USP34: variants seen among roughly 807,000 people sequenced by gnomAD.
USP34 encodes the protein ubiquitin specific peptidase 34.
In USP34, 70 loss-of-function variants were observed where a neutral mutation model predicts 460.3. The observed-to-expected ratio is 0.15, with a 90% CI of 0.13 to 0.19. The LOEUF is 0.19. Ranked by LOEUF, USP34 falls within the 10% of genes least tolerant of loss-of-function variation. The probability of loss-of-function intolerance (pLI) is 1.00; values close to 1 mark genes in which losing one functional copy is unlikely to be tolerated. For missense variants in USP34, 3,985 were observed against 4,236.2 expected (o/e 0.94, Z 1.65); for synonymous variants, 1,647 against 1,405.3 (o/e 1.17, Z -3.85).
chr2:61,460,798 C>G (rs532516245), intron 1 of USP34, among the ~76,000 whole-genome samples: 9 of 152,074 alleles, frequency 5.9e-5, no homozygotes, highest in African/African-American at 2.2e-4. Flanking sequence ...TCCTGGCCAA[C>G]ATGGAGAAAC....
intron 1 of USP34, among the ~76,000 whole-genome samples, chr2:61,431,387 T>G (rs1694671594): frequency 2.0e-5 from 3 of 152,156 alleles, no homozygotes; most frequent in Admixed American, 2.0e-4. Flanking sequence ...CACACTCAAC[T>G]AATTATTAAT....
intron 32 of USP34, among the ~76,000 whole-genome samples, chr2:61,294,446 C>CT (rs1233323362): frequency 4.0e-5 from 6 of 151,340 alleles, no homozygotes; most frequent in South Asian, 4.2e-4. Context: ...CTCACAGTAT[C>CT]TTTTTTTTGC....
intron 48 of USP34, among the ~76,000 whole-genome samples, chr2:61,253,282 GATTTATTCAATAC>G (rs1477812753): frequency 6.6e-6 from 1 of 152,206 alleles, no homozygotes; most frequent in African/African-American, 2.4e-5. Context: ...AAGAACGACA[GATTTATTCAATAC>G]ATTTATTCCA....
intron 48 of USP34, among the ~76,000 whole-genome samples, chr2:61,250,943 C>A (rs895310427): frequency 6.6e-6 from 1 of 152,084 alleles, no homozygotes; most frequent in African/African-American, 2.4e-5. Context: ...TCGAGACCAT[C>A]CTGGCTAACA....
At chr2:61,341,837 T>A (rs148622352) in intron 16 of USP34, among the ~76,000 whole-genome samples, 3 of 144,986 alleles carry the variant, frequency 2.1e-5, no homozygotes, top group East Asian at 2.1e-4. Flanking sequence ...CTTGGCTCAC[T>A]GCAACCTCCC....
chr2:61,261,513 G>T (rs1688878194), intron 43 of USP34, among the ~76,000 whole-genome samples: 1 of 152,110 alleles, frequency 6.6e-6, no homozygotes, highest in Non-Finnish European at 1.5e-5. Context: ...GAGGGAGAAT[G>T]GAGAGTTAAG....
chr2:61,339,550 C>T lies in USP34; in HGVS notation c.2616+16G>A. 1.3e-6 allele frequency: 2 copies of T among 1,567,120 alleles called. No homozygotes were observed. The highest frequency in any genetic ancestry group is 1.7e-6 in the Non-Finnish European group (2 of 1,162,810). On this transcript the variant is annotated intron_variant, in intron 17 of 79. Coordinates refer to ENST00000398571, the MANE Select transcript of USP34 (RefSeq NM_014709.4). ...GCTGAAATTTCTTACTCTTCTGGTT[C>T]TATTAAATAACTTACTGCATCTTCA...
At chr2:61,401,949 G>A (rs781293917) in intron 3 of USP34, among the ~76,000 whole-genome samples, 1 of 150,228 alleles carries the variant, frequency 6.7e-6, no homozygotes, top group Admixed American at 6.7e-5. Flanking sequence ...AATTATTCAG[G>A]ATAAAAAATG....
intron 53 of USP34, 31 bp downstream of exon 53, chr2:61,241,529 A>G: frequency 6.6e-7 from 1 of 1,517,256 alleles, no homozygotes; most frequent in South Asian, 1.2e-5. Flanking sequence ...ACATATTTTT[A>G]AAATGTTGCT....
At chr2:61,342,778 G>A (rs1025151487) in intron 16 of USP34, among the ~76,000 whole-genome samples, 3 of 152,070 alleles carry the variant, frequency 2.0e-5, no homozygotes, top group Non-Finnish European at 2.9e-5. Flanking sequence ...ATTTTATTCT[G>A]TCTACAATGG....
At chr2:61,416,078 G>A (rs1694184406) in intron 2 of USP34, among the ~76,000 whole-genome samples, 1 of 152,064 alleles carries the variant, frequency 6.6e-6, no homozygotes, top group Non-Finnish European at 1.5e-5. Context: ...AAGAATGAAA[G>A]GACTATTACT....
At chr2:61,302,193 A>C (rs1051056020) in intron 27 of USP34, among the ~76,000 whole-genome samples, 4 of 152,226 alleles carry the variant, frequency 2.6e-5, no homozygotes, top group Non-Finnish European at 5.9e-5. Flanking sequence ...TGAATAATTT[A>C]AACTTTAAAA....
chr2:61,445,526 C>T (rs1211752742), intron 1 of USP34, among the ~76,000 whole-genome samples: 2 of 115,844 alleles, frequency 1.7e-5, no homozygotes, highest in East Asian at 5.1e-4. Context: ...CAGATCGAGA[C>T]TCCGTCTCAA....
At chr2:61,304,921 T>C (rs192349877) in intron 27 of USP34, among the ~76,000 whole-genome samples, 168 of 152,288 alleles carry the variant, frequency 1.1e-3, no homozygotes, top group Non-Finnish European at 1.7e-3. Context: ...TTAAAAAAAA[T>C]AGCATTTCAA....
At position 61,370,560 on chromosome 2, in the gene USP34, C is replaced by T. The variant is rs1044360030; in HGVS notation, c.1096G>A (p.Ala366Thr). The change falls in exon 9 of 80, where the codon GCA (alanine) becomes ACA (threonine). Residue 366 changes from alanine (A) to threonine (T), a missense_variant. This residue lies in a region of USP34 where 716 missense variants were observed against 626.2 expected (regional missense o/e 1.14). Coordinates refer to ENST00000398571, the MANE Select transcript of USP34 (RefSeq NM_014709.4). ...DTETSIAKEL[A>T]DWLISNNVVE... ...ACATTGTTGCTAATAAGCCAGTCTG[C>T]AAGTTCTTTTGCAATGGACCTAAAG... 1.2e-6 allele frequency: 2 copies of T among 1,613,642 alleles called. No individual in the cohort carries two copies. The highest frequency in any genetic ancestry group is 1.7e-6 in the Non-Finnish European group (2 of 1,179,900).
intron 5 of USP34, among the ~76,000 whole-genome samples, chr2:61,385,410 G>A (rs914941308): frequency 2.6e-5 from 4 of 152,010 alleles, no homozygotes; most frequent in Admixed American, 6.6e-5. Context: ...GGCCAGGCGC[G>A]GTGGCTCACA....
At chr2:61,194,716 G>T (rs1178771082) in intron 75 of USP34, among the ~76,000 whole-genome samples, 1 of 152,232 alleles carries the variant, frequency 6.6e-6, no homozygotes. Context: ...AACACTTTGG[G>T]AGGCCAAGGT....
intron 1 of USP34, among the ~76,000 whole-genome samples, chr2:61,458,905 A>C (rs1695516227): frequency 6.8e-6 from 1 of 147,878 alleles, no homozygotes; most frequent in South Asian, 2.1e-4. Context: ...ATTCCTACTA[A>C]ATTTACAAAA....
intron 29 of USP34, among the ~76,000 whole-genome samples, chr2:61,298,897 C>A (rs1690132048): frequency 6.6e-6 from 1 of 152,078 alleles, no homozygotes; most frequent in South Asian, 2.1e-4. Context: ...CATTTGCTTT[C>A]TTATTGAGGA....
Sources: allele counts gnomAD v4.1 joint callset (sites outside exome capture counted in the v4.1 genomes callset), GRCh38; gene constraint gnomAD v4.1.1; regional missense constraint gnomAD v4.1.1; transcripts MANE v1.5; gene names NCBI Gene and HGNC (gene_info 2026-07-23, HGNC 2026-07-21).